Variants in AGBL4 observed in about 807,000 individuals in gnomAD.
AGBL4 encodes cytosolic carboxypeptidase 6.
Under a neutral mutation model 66.4 loss-of-function variants are expected in AGBL4, and 58 were observed. The observed-to-expected ratio is 0.87, with a 90% confidence interval of 0.71 to 1.09. The LOEUF is 1.09. AGBL4 is among the 50% of genes least tolerant of loss of function. The pLI is 0.00. For missense variants in AGBL4, 579 were observed against 631.0 expected (o/e 0.92, Z 0.88); for synonymous variants, 234 against 222.9 (o/e 1.05, Z -0.44).
chr1:48,926,353 C>T (rs1654572099), intron 5 of AGBL4, among the ~76,000 whole-genome samples: 1 of 151,702 alleles, frequency 6.6e-6, no homozygotes, highest in Non-Finnish European at 1.5e-5. Flanking sequence ...GATCTGGGCT[C>T]ACAGCAACCT....
chr1:49,594,300 A>G (rs548258893), intron 3 of AGBL4, among the ~76,000 whole-genome samples: 51 of 152,280 alleles, frequency 3.3e-4, no homozygotes, highest in African/African-American at 1.2e-3. Flanking sequence ...CCTTTTCCTC[A>G]TAGGCCATTT....
intron 3 of AGBL4, among the ~76,000 whole-genome samples, chr1:49,283,699 G>A (rs1644335697): frequency 2.7e-5 from 4 of 150,856 alleles, no homozygotes; most frequent in South Asian, 4.2e-4. Context: ...TGAAAACCAA[G>A]GCTCAAGAAC....
rs140432878 is a variant in AGBL4 at position 48,595,365 on chromosome 1, T to C, written c.952-4380A>G. Among the ~76,000 whole-genome samples the C allele has an allele frequency of 6.3e-3, 955 of 152,256 alleles. 6 individuals carry two copies. Among genetic ancestry groups the C allele is most frequent in the Non-Finnish European group, 9.4e-3 (636 of 68,010 alleles). On this transcript the variant is annotated intron_variant, in intron 9 of 13. Transcript: ENST00000371839. ...GTTTACAAAGGAATGAATAAGAAAA[T>C]GAACTGAAGGAAGGATAAGTGAATT...
chr1:49,638,345 T>C (rs1196068633), intron 3 of AGBL4, among the ~76,000 whole-genome samples: 1 of 152,182 alleles, frequency 6.6e-6, no homozygotes. Flanking sequence ...TTCTGAGACA[T>C]AAAAGTGTAA....
intron 11 of AGBL4, among the ~76,000 whole-genome samples, chr1:48,545,528 A>C (rs1002951454): frequency 6.6e-6 from 1 of 152,206 alleles, no homozygotes; most frequent in Admixed American, 6.5e-5. Flanking sequence ...AATGCTTTTC[A>C]TTGTATTGTA....
intron 6 of AGBL4, among the ~76,000 whole-genome samples, chr1:48,791,340 A>T (rs1645545389): frequency 6.6e-6 from 1 of 152,176 alleles, no homozygotes; most frequent in African/African-American, 2.4e-5. Context: ...GTGGGAGAGG[A>T]TGAATTAATT....
intron 1 of AGBL4, among the ~76,000 whole-genome samples, chr1:49,963,920 A>C (rs548348647): frequency 3.3e-5 from 5 of 152,116 alleles, no homozygotes; most frequent in African/African-American, 1.2e-4. Context: ...CTAAGAATGG[A>C]ATGGAAAGCT....
intron 6 of AGBL4, among the ~76,000 whole-genome samples, chr1:48,804,455 C>T (rs576735057): frequency 4.5e-4 from 69 of 152,232 alleles, no homozygotes; most frequent in African/African-American, 1.6e-3. Context: ...TGCAGTTATT[C>T]GCTGGTCAAG....
intron 4 of AGBL4, among the ~76,000 whole-genome samples, chr1:49,058,827 C>T (rs112917506): frequency 0.012 from 1,861 of 152,280 alleles, 37 homozygotes; most frequent in African/African-American, 0.043. Flanking sequence ...GGAGTAAAGG[C>T]AACTCTTGTT....
intron 3 of AGBL4, among the ~76,000 whole-genome samples, chr1:49,519,671 C>T (rs898310490): frequency 2.6e-5 from 4 of 152,032 alleles, no homozygotes; most frequent in African/African-American, 9.7e-5. Context: ...ACCTTGATCA[C>T]TCTACAGGTA....
chr1:49,699,224 T>G (rs1296669162), intron 2 of AGBL4, among the ~76,000 whole-genome samples: 1 of 152,094 alleles, frequency 6.6e-6, no homozygotes, highest in Admixed American at 6.6e-5. Context: ...CTCACTAAGC[T>G]TATAGTCTGA....
chr1:49,051,530 G>A (rs936343951), intron 4 of AGBL4, among the ~76,000 whole-genome samples: 5 of 152,102 alleles, frequency 3.3e-5, no homozygotes, highest in Non-Finnish European at 5.9e-5. Context: ...CCCTTCGTGA[G>A]GGCAGCTGAA....
chr1:49,950,009 TAC>T (rs371624252), intron 1 of AGBL4, among the ~76,000 whole-genome samples: 8 of 102,842 alleles, frequency 7.8e-5, no homozygotes, highest in South Asian at 3.3e-4. Flanking sequence ...TATATATATA[TAC>T]ACACACATAT....
chr1:49,292,116 C>A (rs2148428254), intron 3 of AGBL4, among the ~76,000 whole-genome samples: 1 of 152,362 alleles, frequency 6.6e-6, no homozygotes, highest in African/African-American at 2.4e-5. Flanking sequence ...AAAGCCAGGG[C>A]TGAGCCTGGG....
At chr1:49,267,816 A>C (rs543412301) in intron 3 of AGBL4, among the ~76,000 whole-genome samples, 4 of 152,280 alleles carry the variant, frequency 2.6e-5, no homozygotes, top group African/African-American at 9.6e-5. Flanking sequence ...AGCAGGCAAG[A>C]CAGAATGAGA....
At chr1:50,007,405 A>G (rs1483349710) in intron 1 of AGBL4, among the ~76,000 whole-genome samples, 5 of 152,200 alleles carry the variant, frequency 3.3e-5, no homozygotes, top group African/African-American at 9.7e-5. Context: ...AAACTCTCCA[A>G]TCAAAAGACA....
At chr1:49,329,652 T>A (rs554903668) in intron 3 of AGBL4, among the ~76,000 whole-genome samples, 1 of 151,838 alleles carries the variant, frequency 6.6e-6, no homozygotes, top group South Asian at 2.1e-4. Flanking sequence ...GGTAACATAG[T>A]GAGACCCCCC....
chr1:48,651,883 T>A (rs1645936341), intron 8 of AGBL4, among the ~76,000 whole-genome samples: 1 of 152,192 alleles, frequency 6.6e-6, no homozygotes, highest in Non-Finnish European at 1.5e-5. Context: ...AGTAAAGTCA[T>A]CCTTCTCATC....
chr1:49,776,539 C>A (rs750675948), intron 2 of AGBL4, among the ~76,000 whole-genome samples: 7 of 152,038 alleles, frequency 4.6e-5, no homozygotes, highest in Non-Finnish European at 8.8e-5. Context: ...AGGGTATTAC[C>A]TGCTAACCTC....
Sources: allele counts gnomAD v4.1 joint callset (sites outside exome capture counted in the v4.1 genomes callset), GRCh38; gene constraint gnomAD v4.1.1; transcripts MANE v1.5; gene names NCBI Gene and HGNC (gene_info 2026-07-23, HGNC 2026-07-21).